The following DNM3 variants were observed in gnomAD, a reference collection of about 807,000 sequenced individuals.
The protein encoded by DNM3 is dynamin-3.
DNM3 carries 47 observed loss-of-function variants against 101.6 expected under a neutral mutation model. The observed-to-expected ratio is 0.46, with a 90% CI of 0.37 to 0.59. DNM3 has a LOEUF of 0.59. DNM3 is among the 20% of genes least tolerant of loss of function. The pLI, the probability that DNM3 is intolerant of heterozygous loss-of-function variation, is 0.00. For missense variants in DNM3, 849 were observed against 1,085.7 expected (o/e 0.78, Z 3.06); for synonymous variants, 385 against 387.9 (o/e 0.99, Z 0.09).
intron 12 of DNM3, among the ~76,000 whole-genome samples, chr1:172,085,550 A>G (rs543037202): frequency 6.6e-6 from 1 of 152,268 alleles, no homozygotes; most frequent in Non-Finnish European, 1.5e-5. Flanking sequence ...TGATATCTCT[A>G]TACACCGCAA....
At chr1:172,391,060 G>A (rs946416923) in intron 20 of DNM3, among the ~76,000 whole-genome samples, 6 of 152,222 alleles carry the variant, frequency 3.9e-5, no homozygotes, top group Non-Finnish European at 8.8e-5. Context: ...GCAGCCGGAT[G>A]AGAATGAGTA....
chr1:171,865,887 C>A (rs1445301476), intron 1 of DNM3, among the ~76,000 whole-genome samples: 1 of 152,170 alleles, frequency 6.6e-6, no homozygotes, highest in African/African-American at 2.4e-5. Context: ...CCTACATTTT[C>A]AGATCCATGT....
rs1431192454 is a variant in DNM3 at position 172,408,376 on chromosome 1, G to A, written c.*535G>A. On this transcript the variant is annotated 3_prime_UTR_variant, in exon 21 of 21. Transcript: ENST00000627582. ...GCTAGGAAGTGATTTTTTAAAATTAGGACTCCTTAAGAATAAACTTTTCCA... is the reference window on the plus strand; with the variant it reads ...GCTAGGAAGTGATTTTTTAAAATTAAGACTCCTTAAGAATAAACTTTTCCA... 1.0e-6 allele frequency: 1 copy of A among 986,068 alleles called. No individual in the cohort carries two copies. Among genetic ancestry groups the A allele is most frequent in the African/African-American group, 1.7e-5 (1 of 57,144 alleles). The allele number at this position is 986,068 out of a possible 1,614,324, so 61.1% of individuals were successfully genotyped here.
intron 2 of DNM3, among the ~76,000 whole-genome samples, chr1:171,985,596 T>C (rs2125606606): frequency 6.6e-6 from 1 of 152,328 alleles, no homozygotes; most frequent in Non-Finnish European, 1.5e-5. Flanking sequence ...GCTTGCTGTT[T>C]TTCAGAAAGT....
rs553666549 is a variant in DNM3 at position 172,270,259 on chromosome 1, G to GAA, written c.1769+16590_1769+16591dup. 6.3e-3 allele frequency among the ~76,000 whole-genome samples: 667 copies of GAA among 105,224 alleles called. 3 individuals are homozygous for GAA. Among genetic ancestry groups the GAA allele is most frequent in the African/African-American group, 0.022 (627 of 28,490 alleles). 69.0% of individuals were successfully genotyped at this position (105,224 alleles called of 152,430 possible). ...ACCTTGCCTAGGAGTTCTTGAATTTGAAAAAAAAAAAAAAGCCTTTAAGCC... is the reference window on the plus strand; with the variant it reads ...ACCTTGCCTAGGAGTTCTTGAATTTGAAAAAAAAAAAAAAAAGCCTTTAAGCC... On this transcript the variant is annotated intron_variant, in intron 15 of 20. Transcript: ENST00000627582.
chr1:172,378,206 G>A (rs753961997), intron 17 of DNM3: 3 of 152,042 alleles, frequency 2.0e-5, no homozygotes, highest in Admixed American at 6.6e-5. Context: ...TGATTTCAAT[G>A]CCAAGCCAAT....
At chr1:172,073,819 G>A (rs73039329) in intron 11 of DNM3, among the ~76,000 whole-genome samples, 1,740 of 152,296 alleles carry the variant, frequency 0.011, 35 homozygotes, top group African/African-American at 0.04. Flanking sequence ...ACAGGATTCA[G>A]TTGGGAGAAC....
At chr1:171,995,161 A>G (rs2045918434) in intron 4 of DNM3, among the ~76,000 whole-genome samples, 1 of 141,334 alleles carries the variant, frequency 7.1e-6, no homozygotes, top group Admixed American at 7.3e-5. Context: ...GCTGGAGTGC[A>G]ATGGCACAGT....
chr1:172,044,614 C>T (rs2049630685), intron 9 of DNM3, among the ~76,000 whole-genome samples, 162 bp downstream of exon 9: 1 of 152,148 alleles, frequency 6.6e-6, no homozygotes, highest in Non-Finnish European at 1.5e-5. Flanking sequence ...TGGTAACTTC[C>T]TGTATTGCTG....
intron 8 of DNM3, 72 bp from the exon 9 acceptor site, chr1:172,044,313 C>A: frequency 7.7e-7 from 1 of 1,297,258 alleles, no homozygotes; most frequent in South Asian, 1.4e-5. Flanking sequence ...AAGTTATTCT[C>A]ATTCTGTAAT....
chr1:172,187,742 T>A (rs960443287), intron 14 of DNM3, among the ~76,000 whole-genome samples: 4 of 152,088 alleles, frequency 2.6e-5, no homozygotes, highest in African/African-American at 9.7e-5. Flanking sequence ...TTGTTACAAA[T>A]GTTAAGAAAA....
At chr1:172,275,278 C>A (rs930440724) in intron 15 of DNM3, among the ~76,000 whole-genome samples, 1 of 151,998 alleles carries the variant, frequency 6.6e-6, no homozygotes, top group African/African-American at 2.4e-5. Context: ...CAGAGGCTAT[C>A]ATCTGTGTGA....
chr1:172,172,047 A>T (rs1480784964), intron 14 of DNM3, among the ~76,000 whole-genome samples: 1 of 151,616 alleles, frequency 6.6e-6, no homozygotes, highest in Non-Finnish European at 1.5e-5. Flanking sequence ...ATATTTATTG[A>T]TGGAGTAAAC....
At chr1:172,226,571 G>C (rs545958360) in intron 14 of DNM3, among the ~76,000 whole-genome samples, 1 of 152,290 alleles carries the variant, frequency 6.6e-6, no homozygotes, top group Admixed American at 6.5e-5. Flanking sequence ...ATGACCTTAA[G>C]TGTAAGTCGC....
intron 15 of DNM3, among the ~76,000 whole-genome samples, chr1:172,294,451 T>A (rs944335209): frequency 2.6e-5 from 4 of 152,208 alleles, no homozygotes; most frequent in African/African-American, 9.7e-5. Context: ...ATGGAGGCTA[T>A]AAACCAAGGA....
chr1:172,143,345 T>G (rs1049875782), intron 14 of DNM3, among the ~76,000 whole-genome samples: 1 of 152,118 alleles, frequency 6.6e-6, no homozygotes, highest in Admixed American at 6.6e-5. Context: ...GGAATAGAAA[T>G]TAATGGGGGT....
At chr1:172,181,511 T>C (rs2059345714) in intron 14 of DNM3, among the ~76,000 whole-genome samples, 1 of 152,000 alleles carries the variant, frequency 6.6e-6, no homozygotes, top group Non-Finnish European at 1.5e-5. Flanking sequence ...ATAACGTCAA[T>C]GCCTGATATT....
chr1:172,348,696 A>T (rs1318681484), intron 17 of DNM3, among the ~76,000 whole-genome samples: 3 of 152,222 alleles, frequency 2.0e-5, no homozygotes, highest in Non-Finnish European at 4.4e-5. Flanking sequence ...ATTTACATGT[A>T]TTTAGGTACA....
At position 172,409,766 on chromosome 1, in the gene DNM3, C is replaced by T; in HGVS notation, c.*1925C>T. On this transcript the variant is annotated 3_prime_UTR_variant, in exon 21 of 21. Transcript: ENST00000627582. ...CTTGTTTTTAGGATTCCCTTTGCTT[C>T]TTCCTTTGAATTCTCTAAAATAGGC... The T allele has an allele frequency of 1.0e-6, 1 of 985,598 alleles. No homozygotes were observed. Among genetic ancestry groups the T allele is most frequent in the Non-Finnish European group, 1.2e-6 (1 of 829,770 alleles). 61.1% of individuals were successfully genotyped at this position (985,598 alleles called of 1,614,324 possible).
Sources: allele counts gnomAD v4.1 joint callset (sites outside exome capture counted in the v4.1 genomes callset), GRCh38; gene constraint gnomAD v4.1.1; transcripts MANE v1.5; gene names NCBI Gene and HGNC (gene_info 2026-07-23, HGNC 2026-07-21).